ACTR3C: variants seen among roughly 807,000 people sequenced by gnomAD.
The protein encoded by ACTR3C is actin related protein 3C, also known as actin-related protein 3C.
ACTR3C carries 18 observed loss-of-function variants against 26.3 expected under a neutral mutation model. That is an observed-to-expected ratio of 0.68 (90% CI 0.47 to 1.01). The LOEUF is 1.01. ACTR3C is among the 50% of genes least tolerant of loss of function. ACTR3C has a pLI of 0.00. For missense variants in ACTR3C, 184 were observed against 250.7 expected, an observed-to-expected ratio of 0.73 and a Z score of 1.80; for synonymous variants, 55 against 94.5, an observed-to-expected ratio of 0.58 and a Z score of 2.42.
the ACTR3C span, among the ~76,000 whole-genome samples, chr7:149,928,930 A>T: frequency 6.6e-6 from 1 of 152,196 alleles, no homozygotes; most frequent in Non-Finnish European, 1.5e-5. Flanking sequence ...TAAGCAATAG[A>T]TAATAACCCA....
chr7:150,098,929 T>C, the ACTR3C span, among the ~76,000 whole-genome samples: 1 of 150,612 alleles, frequency 6.6e-6, no homozygotes, highest in Non-Finnish European at 1.5e-5. Context: ...TGGTCTACAA[T>C]AGCCTTTCAA....
the ACTR3C span, among the ~76,000 whole-genome samples, chr7:150,039,384 A>C: frequency 0.012 from 1,181 of 98,896 alleles, 12 homozygotes; most frequent in Admixed American, 0.018. Context: ...TGGGGGTCCT[A>C]AGAACCCGGG....
At chr7:150,031,834 T>C in the ACTR3C span, among the ~76,000 whole-genome samples, 1 of 152,208 alleles carries the variant, frequency 6.6e-6, no homozygotes, top group South Asian at 2.1e-4. Flanking sequence ...AGAGCTCCAC[T>C]TCACTGCTGG....
the ACTR3C span, among the ~76,000 whole-genome samples, chr7:149,950,345 G>A: frequency 6.8e-6 from 1 of 146,444 alleles, no homozygotes; most frequent in Non-Finnish European, 1.5e-5. Flanking sequence ...CAGCTGCTGC[G>A]AGACGGGGGG....
chr7:150,193,443 A>G, the ACTR3C span, among the ~76,000 whole-genome samples: 1 of 76,396 alleles, frequency 1.3e-5, no homozygotes, highest in South Asian at 3.7e-4. Flanking sequence ...CATCTTTATT[A>G]TTTCTTTCCT....
the ACTR3C span, among the ~76,000 whole-genome samples, chr7:149,908,475 G>A: frequency 1.3e-5 from 2 of 152,092 alleles, no homozygotes; most frequent in Non-Finnish European, 2.9e-5. Flanking sequence ...AAAGAATCTG[G>A]AGTCCGCTTT....
the ACTR3C span, among the ~76,000 whole-genome samples, chr7:150,042,784 C>G: frequency 1.6e-3 from 242 of 150,964 alleles, no homozygotes; most frequent in African/African-American, 5.5e-3. Context: ...TGTTTAGAGA[C>G]GTAGGCTACC....
intron 1 of ACTR3C, among the ~76,000 whole-genome samples, chr7:150,311,791 C>T (rs530323622): frequency 3.9e-5 from 6 of 152,344 alleles, no homozygotes; most frequent in African/African-American, 1.4e-4. Context: ...ATCAAGGCTG[C>T]TGCACTTCCT....
chr7:150,013,815 G>T, the ACTR3C span, among the ~76,000 whole-genome samples: 162 of 152,326 alleles, frequency 1.1e-3, no homozygotes, highest in Admixed American at 5.7e-3. Context: ...AGGGAAGAGG[G>T]CATGATGGAG....
At chr7:149,924,703 G>A in the ACTR3C span, among the ~76,000 whole-genome samples, 2 of 151,364 alleles carry the variant, frequency 1.3e-5, no homozygotes, top group Non-Finnish European at 2.9e-5. Context: ...TCAGCTCACT[G>A]CAACCTCCAC....
the ACTR3C span, among the ~76,000 whole-genome samples, chr7:150,147,456 A>G: frequency 6.6e-6 from 1 of 152,328 alleles, no homozygotes; most frequent in South Asian, 2.1e-4. Flanking sequence ...TTTTAAATAG[A>G]GATAAAATAT....
chr7:149,988,225 C>T, the ACTR3C span, among the ~76,000 whole-genome samples: 22 of 152,132 alleles, frequency 1.4e-4, no homozygotes, highest in South Asian at 8.3e-4. Flanking sequence ...ATTAGCTGGA[C>T]GCTCTGCAGC....
intron 6 of ACTR3C, among the ~76,000 whole-genome samples, chr7:150,272,985 A>G: frequency 7.1e-6 from 1 of 140,230 alleles, no homozygotes; most frequent in East Asian, 2.0e-4. Flanking sequence ...ATGAGCCATG[A>G]AGGCCGGCCT....
the ACTR3C span, among the ~76,000 whole-genome samples, chr7:149,962,245 T>C: frequency 4.6e-5 from 7 of 151,100 alleles, no homozygotes; most frequent in African/African-American, 1.7e-4. Flanking sequence ...TGTAAGCTCA[T>C]GGGAAGTGTA....
chr7:150,157,653 G>GA, the ACTR3C span, among the ~76,000 whole-genome samples: 1 of 152,200 alleles, frequency 6.6e-6, no homozygotes, highest in African/African-American at 2.4e-5. Context: ...CTGCACCAAG[G>GA]AAAGGGCTGC....
chr7:150,022,139 TG>T, the ACTR3C span, among the ~76,000 whole-genome samples: 1 of 152,026 alleles, frequency 6.6e-6, no homozygotes, highest in East Asian at 1.9e-4. Flanking sequence ...TATTATTTTT[TG>T]ATTTTTTAAT....
the ACTR3C span, among the ~76,000 whole-genome samples, chr7:150,149,109 ATATATATATATATAT>A: frequency 5.5e-5 from 7 of 126,384 alleles, no homozygotes; most frequent in South Asian, 1.7e-3. Flanking sequence ...ATATATATAT[ATATATATATATATAT>A]ATGCATTGGC....
the ACTR3C span, among the ~76,000 whole-genome samples, chr7:150,139,097 T>C: frequency 1.3e-5 from 2 of 152,262 alleles, no homozygotes; most frequent in African/African-American, 4.8e-5. Flanking sequence ...GCACAATAAA[T>C]GCAATGTGCT....
chr7:150,287,694 T>C (rs1326026715), intron 4 of ACTR3C, among the ~76,000 whole-genome samples: 2 of 150,982 alleles, frequency 1.3e-5, no homozygotes, highest in African/African-American at 4.9e-5. Flanking sequence ...TGCCATCTTC[T>C]GGGTATCTTG....
Sources: allele counts gnomAD v4.1 joint callset (sites outside exome capture counted in the v4.1 genomes callset), GRCh38; gene constraint gnomAD v4.1.1; transcripts MANE v1.5; gene names NCBI Gene and HGNC (gene_info 2026-07-23, HGNC 2026-07-21).